SPON1: variants seen among roughly 807,000 people sequenced by gnomAD.
SPON1 encodes the protein spondin-1.
SPON1 carries 52 observed loss-of-function variants against 111.7 expected under a neutral mutation model. That is an observed-to-expected ratio of 0.47 (90% CI 0.37 to 0.59). The LOEUF is 0.59. Among genes scored for constraint, SPON1 ranks in the 20% least tolerant of loss-of-function variants. The probability of loss-of-function intolerance (pLI) is 0.00; values close to 1 mark genes in which losing one functional copy is unlikely to be tolerated. For missense variants in SPON1, 957 were observed against 1,068.5 expected (o/e 0.90, Z 1.46); for synonymous variants, 410 against 395.8 (o/e 1.04, Z -0.43).
chr11:14,230,791 T>C, intron 6 of SPON1, among the ~76,000 whole-genome samples: 1 of 143,620 alleles, frequency 7.0e-6, no homozygotes. Flanking sequence ...TTCCTTCATT[T>C]TTTCGTGGTG....
chr11:14,178,395 C>G lies in SPON1; in HGVS notation c.825+42827C>G, dbSNP rs571986221. On this transcript the variant is annotated intron_variant, in intron 6 of 15. Coordinates refer to ENST00000576479, the MANE Select transcript of SPON1 (RefSeq NM_006108.4). ...CGAGATTGCACCACTGCACTCCAGC[C>G]TGGGGAACAAAGCGAGACTCCGTCT... Among the ~76,000 whole-genome samples, 4 of 147,870 alleles carry G rather than the reference C, an allele frequency of 2.7e-5. No homozygotes were observed. In the East Asian group the frequency reaches 8.1e-4, roughly 30 times the overall value.
At chr11:14,057,508 G>C (rs1450863997) in intron 3 of SPON1, among the ~76,000 whole-genome samples, 1 of 152,124 alleles carries the variant, frequency 6.6e-6, no homozygotes, top group African/African-American at 2.4e-5. Context: ...TCGAGGATTA[G>C]ATATATCAAT....
intron 5 of SPON1, among the ~76,000 whole-genome samples, chr11:14,107,005 A>G (rs1849189843): frequency 6.6e-6 from 1 of 152,178 alleles, no homozygotes; most frequent in African/African-American, 2.4e-5. Flanking sequence ...CAAGAGTTTA[A>G]TTAAACTCTG....
intron 5 of SPON1, among the ~76,000 whole-genome samples, chr11:14,102,809 G>A (rs577856353): frequency 2.0e-5 from 3 of 152,156 alleles, no homozygotes; most frequent in South Asian, 2.1e-4. Flanking sequence ...AGCCATTATG[G>A]ATATTTGTTT....
chr11:14,261,559 G>A (rs1554941907), intron 14 of SPON1, among the ~76,000 whole-genome samples: 1 of 152,212 alleles, frequency 6.6e-6, no homozygotes, highest in African/African-American at 2.4e-5. Context: ...ATGAGCACTG[G>A]ACATGGCAAG....
Position 14,267,972 on chromosome 11 carries a change from G to T in SPON1, c.*2285G>T, listed in dbSNP as rs370479490. On this transcript the variant is annotated 3_prime_UTR_variant, in exon 16 of 16. Transcript: ENST00000576479. ...ATCCACATTTTAGGTCCAACAGCAAGAAGTTCAGAGAGAGATTTCCCAACC... is the reference window on the plus strand; with the variant it reads ...ATCCACATTTTAGGTCCAACAGCAATAAGTTCAGAGAGAGATTTCCCAACC... 6 of 152,116 alleles carry T rather than the reference G, an allele frequency of 3.9e-5. No individual in the cohort carries two copies. In the South Asian group the frequency reaches 1.2e-3, roughly 32 times the overall value. The allele number at this position is 152,116 out of a possible 1,614,324, so 9.4% of individuals were successfully genotyped here.
At chr11:14,062,679 G>T (rs1331647761) in intron 3 of SPON1, among the ~76,000 whole-genome samples, 1 of 152,206 alleles carries the variant, frequency 6.6e-6, no homozygotes. Context: ...ATTACCAAAA[G>T]ATTGTTGCCA....
In SPON1 at chr11:14,041,670, A is replaced by C; in HGVS notation, c.479+16A>C. The C allele has an allele frequency of 6.2e-7, 1 of 1,613,374 alleles. No homozygotes were observed. The highest frequency in any genetic ancestry group is 1.1e-5 in the South Asian group (1 of 91,024). On this transcript the variant is annotated intron_variant, in intron 3 of 15. Transcript: ENST00000576479. ...TGATTCTGAAGTAAGTAAACATGGA[A>C]TCCTTCCCTGCAGTTTATCAAAGAC...
intron 3 of SPON1, among the ~76,000 whole-genome samples, chr11:14,057,963 G>C (rs1397917246): frequency 6.6e-6 from 1 of 152,116 alleles, no homozygotes; most frequent in African/African-American, 2.4e-5. Context: ...GCTGCAGAGA[G>C]CCATGATTGT....
chr11:14,124,475 G>A (rs1847433079), intron 5 of SPON1, among the ~76,000 whole-genome samples: 1 of 152,132 alleles, frequency 6.6e-6, no homozygotes, highest in Non-Finnish European at 1.5e-5. Context: ...ACGCTTTATT[G>A]TAATTGCCTG....
In SPON1 at chr11:14,160,450, T is replaced by TAC. The variant is rs1283453973; in HGVS notation, c.825+24883_825+24884insCA. Among the ~76,000 whole-genome samples the TAC allele has an allele frequency of 7.9e-5, 2 of 25,226 alleles. 1 individual carries two copies. The highest frequency in any genetic ancestry group is 3.5e-4 in the African/African-American group (2 of 5,740). The allele number at this position is 25,226 out of a possible 152,430, so 16.5% of individuals were successfully genotyped here. A position where few individuals can be genotyped will look rare whatever the true frequency, so the allele number is the denominator to read the frequency against. ...ATATATTTATATATATATTTATATA[T>TAC]ATATTTATATATATATATTTATATA... On this transcript the variant is annotated intron_variant, in intron 6 of 15. Coordinates refer to ENST00000576479, the MANE Select transcript of SPON1 (RefSeq NM_006108.4).
intron 5 of SPON1, among the ~76,000 whole-genome samples, chr11:14,114,973 A>G (rs1336965896): frequency 6.6e-6 from 1 of 152,178 alleles, no homozygotes; most frequent in Admixed American, 6.5e-5. Flanking sequence ...CAGACTAAAA[A>G]TAGTAGCTTT....
intron 6 of SPON1, among the ~76,000 whole-genome samples, chr11:14,183,540 A>C (rs1591402868): frequency 6.6e-6 from 1 of 152,192 alleles, no homozygotes; most frequent in Non-Finnish European, 1.5e-5. Flanking sequence ...TATCGTAGCC[A>C]GTGTTTGTTC....
chr11:14,215,531 C>T (rs1554937083), intron 6 of SPON1, among the ~76,000 whole-genome samples: 1 of 152,062 alleles, frequency 6.6e-6, no homozygotes, highest in African/African-American at 2.4e-5. Flanking sequence ...TTGGGGTCCT[C>T]AAAGGCAGTA....
intron 2 of SPON1, among the ~76,000 whole-genome samples, chr11:14,000,356 C>T (rs745739412): frequency 8.5e-5 from 13 of 152,246 alleles, no homozygotes; most frequent in Admixed American, 7.8e-4. Context: ...TTCTAAACCC[C>T]ATTTGCCTTC....
chr11:14,089,028 G>A (rs1406412171), intron 5 of SPON1, among the ~76,000 whole-genome samples: 1 of 151,878 alleles, frequency 6.6e-6, no homozygotes, highest in East Asian at 1.9e-4. Flanking sequence ...AGCAGTTCCT[G>A]TCACCTTTTA....
At chr11:14,255,414 CTT>C (rs1849095469) in intron 8 of SPON1, among the ~76,000 whole-genome samples, 1 of 152,188 alleles carries the variant, frequency 6.6e-6, no homozygotes, top group African/African-American at 2.4e-5. Context: ...CTCTCTGAAA[CTT>C]GGCTTCTTCA....
chr11:14,067,065 T>C (rs1848838321), intron 3 of SPON1, among the ~76,000 whole-genome samples: 1 of 152,122 alleles, frequency 6.6e-6, no homozygotes, highest in South Asian at 2.1e-4. Flanking sequence ...TTGTCCCAGC[T>C]ACTCAGGAAG....
intron 2 of SPON1, among the ~76,000 whole-genome samples, chr11:14,010,124 G>T (rs1006205713): frequency 1.3e-5 from 2 of 152,202 alleles, no homozygotes; most frequent in African/African-American, 4.8e-5. Flanking sequence ...GAGATCAGTT[G>T]CAGGAGGAGA....
Sources: gnomAD v4.1 joint callset for allele counts (sites outside exome capture counted in the v4.1 genomes callset) on GRCh38, gnomAD v4.1.1 for gene constraint, MANE v1.5 for transcripts, NCBI Gene and HGNC (gene_info 2026-07-23, HGNC 2026-07-21) for gene names.